The following SV2C variants were observed in gnomAD, a reference collection of about 807,000 sequenced individuals.
The protein encoded by SV2C is synaptic vesicle glycoprotein 2C.
Under a neutral mutation model 79.7 loss-of-function variants are expected in SV2C, and 49 were observed. The ratio of observed to expected loss-of-function variants is 0.61; its 90% CI spans 0.49 to 0.78. The LOEUF is 0.78. Among genes scored for constraint, SV2C ranks in the 30% least tolerant of loss-of-function variants. SV2C has a pLI of 0.00. For missense variants in SV2C, 833 were observed against 912.9 expected (o/e 0.91, Z 1.13); for synonymous variants, 334 against 333.2 (o/e 1.00, Z -0.03).
chr5:76,038,024 A>C, the SV2C span, among the ~76,000 whole-genome samples: 9 of 152,098 alleles, frequency 5.9e-5, no homozygotes, highest in African/African-American at 1.4e-4. Context: ...GTCTGTCACC[A>C]CTTTCTTTGA....
At chr5:75,997,892 G>A in the SV2C span, among the ~76,000 whole-genome samples, 2 of 152,036 alleles carry the variant, frequency 1.3e-5, no homozygotes, top group Admixed American at 6.6e-5. Flanking sequence ...ACATACACAC[G>A]TATGTTTATT....
At chr5:75,874,300 A>G in the SV2C span, among the ~76,000 whole-genome samples, 1 of 152,208 alleles carries the variant, frequency 6.6e-6, no homozygotes, top group African/African-American at 2.4e-5. Context: ...CTAAAGACAA[A>G]AAAAACACAT....
chr5:76,034,626 C>T, the SV2C span, among the ~76,000 whole-genome samples: 209 of 152,160 alleles, frequency 1.4e-3, no homozygotes, highest in African/African-American at 3.9e-3. Flanking sequence ...ATAAGCTTTT[C>T]GATGTGCTGC....
At chr5:76,296,047 T>C in intron 9 of SV2C, 105 bp downstream of exon 9, 1 of 1,115,332 alleles carries the variant, frequency 9.0e-7, no homozygotes, top group Non-Finnish European at 1.2e-6. Flanking sequence ...TTGTTTGTTT[T>C]AGTTTGTACA....
At chr5:76,259,164 G>A (rs1477989433) in intron 4 of SV2C, among the ~76,000 whole-genome samples, 1 of 152,154 alleles carries the variant, frequency 6.6e-6, no homozygotes, top group East Asian at 1.9e-4. Context: ...CTTTTGAGCA[G>A]CCTCACTTCT....
At chr5:76,253,243 G>A (rs558272324) in intron 4 of SV2C, among the ~76,000 whole-genome samples, 1 of 152,324 alleles carries the variant, frequency 6.6e-6, no homozygotes, top group East Asian at 1.9e-4. Flanking sequence ...AGAGAAAGAA[G>A]AAACATAAAA....
chr5:76,102,316 C>A (rs1019820849), intron 1 of SV2C, among the ~76,000 whole-genome samples: 2 of 152,130 alleles, frequency 1.3e-5, no homozygotes, highest in African/African-American at 4.8e-5. Flanking sequence ...CTCCCACCCA[C>A]CCACCAGATC....
chr5:75,969,426 C>T, the SV2C span, among the ~76,000 whole-genome samples: 2 of 152,052 alleles, frequency 1.3e-5, no homozygotes, highest in Non-Finnish European at 1.5e-5. Flanking sequence ...ATTCAGGAAA[C>T]CCATTTCACA....
chr5:76,177,646 A>G (rs937432292), intron 2 of SV2C, among the ~76,000 whole-genome samples: 52 of 152,342 alleles, frequency 3.4e-4, no homozygotes, highest in Non-Finnish European at 3.7e-4. Flanking sequence ...ATGCTATTCC[A>G]GATATGTGTT....
Position 76,298,997 on chromosome 5 carries a change from T to C in SV2C, c.1636+70T>C, listed in dbSNP as rs532964409. 57 of 1,547,658 alleles carry C rather than the reference T, an allele frequency of 3.7e-5. No individual in the cohort carries two copies. In the African/African-American group the frequency reaches 4.4e-4, roughly 12 times the overall value. On this transcript the variant is annotated intron_variant, in intron 10 of 12. Coordinates refer to ENST00000502798, the MANE Select transcript of SV2C (RefSeq NM_014979.4). ...AGGGCCCACTGTGATAACCATGTGA[T>C]AATGTGGGCAGAGGCTTATGCGGGA... is the stretch of plus-strand genomic sequence containing the variant.
the SV2C span, among the ~76,000 whole-genome samples, chr5:75,934,322 CTG>C: frequency 2.8e-5 from 1 of 36,326 alleles, no homozygotes. Flanking sequence ...TTTTTTTTCA[CTG>C]TCGCTGGGCT....
chr5:76,265,776 G>A (rs1213777719), intron 4 of SV2C, among the ~76,000 whole-genome samples: 1 of 152,056 alleles, frequency 6.6e-6, no homozygotes, highest in Non-Finnish European at 1.5e-5. Flanking sequence ...ACCCCACCCT[G>A]CTTCTGCTTG....
chr5:76,292,069 T>G (rs537126729), intron 8 of SV2C, among the ~76,000 whole-genome samples: 1 of 152,182 alleles, frequency 6.6e-6, no homozygotes, highest in African/African-American at 2.4e-5. Flanking sequence ...ACCAATTGTA[T>G]CTGCAAAATC....
At chr5:76,084,064 A>G (rs1747087161) in intron 1 of SV2C, 1 of 152,188 alleles carries the variant, frequency 6.6e-6, no homozygotes, top group Non-Finnish European at 1.5e-5. Context: ...AACACCATGA[A>G]TTTTCAAACT....
chr5:76,207,475 AT>A (rs1744641297), intron 3 of SV2C, among the ~76,000 whole-genome samples: 3 of 152,238 alleles, frequency 2.0e-5, no homozygotes, highest in African/African-American at 7.2e-5. Flanking sequence ...TCATACTAGG[AT>A]TGTGTGTTAT....
chr5:76,069,810 C>A, the SV2C span, among the ~76,000 whole-genome samples: 1 of 151,276 alleles, frequency 6.6e-6, no homozygotes, highest in Admixed American at 6.6e-5. Flanking sequence ...CTGTCTCCAA[C>A]CCCCGTTTCT....
the SV2C span, among the ~76,000 whole-genome samples, chr5:76,009,140 G>C: frequency 6.6e-6 from 1 of 152,008 alleles, no homozygotes; most frequent in Non-Finnish European, 1.5e-5. Context: ...TTAGCTTCTT[G>C]GCCAATAAAC....
At chr5:75,902,221 G>A in the SV2C span, among the ~76,000 whole-genome samples, 4 of 152,212 alleles carry the variant, frequency 2.6e-5, no homozygotes, top group South Asian at 2.1e-4. Context: ...GTTCCTATTC[G>A]GCCATCTTGG....
At chr5:76,248,785 A>G (rs1746025133) in intron 4 of SV2C, among the ~76,000 whole-genome samples, 1 of 151,948 alleles carries the variant, frequency 6.6e-6, no homozygotes, top group Non-Finnish European at 1.5e-5. Flanking sequence ...CGCCCAGCTA[A>G]TTTTTGTATT....
Sources: allele counts gnomAD v4.1 joint callset (sites outside exome capture counted in the v4.1 genomes callset), GRCh38; gene constraint gnomAD v4.1.1; transcripts MANE v1.5; gene names NCBI Gene and HGNC (gene_info 2026-07-23, HGNC 2026-07-21).